Variants in CAMK1D observed in about 807,000 individuals in gnomAD.
CAMK1D encodes the protein calcium/calmodulin-dependent protein kinase type 1D.
Under a neutral mutation model 47.7 loss-of-function variants are expected in CAMK1D, and 9 were observed. The ratio of observed to expected loss-of-function variants is 0.19; its 90% CI spans 0.11 to 0.33. CAMK1D has a LOEUF of 0.33. CAMK1D is among the 10% of genes least tolerant of loss of function. The pLI is 1.00. For missense variants in CAMK1D, 291 were observed against 488.7 expected, an observed-to-expected ratio of 0.60 and a Z score of 3.81; for synonymous variants, 184 against 184.9, an observed-to-expected ratio of 0.99 and a Z score of 0.04.
intron 1 of CAMK1D, among the ~76,000 whole-genome samples, chr10:12,485,364 G>A (rs961860212): frequency 5.9e-5 from 9 of 152,200 alleles, no homozygotes; most frequent in African/African-American, 2.2e-4. Context: ...TTCTGGTTGT[G>A]GAGCTCCTCG....
intron 2 of CAMK1D, among the ~76,000 whole-genome samples, chr10:12,619,084 G>A (rs1564448900): frequency 6.6e-6 from 1 of 152,210 alleles, no homozygotes; most frequent in Non-Finnish European, 1.5e-5. Context: ...TGTAGCAGGA[G>A]CTCAATAAAT....
intron 3 of CAMK1D, among the ~76,000 whole-genome samples, chr10:12,694,512 TA>T (rs1833167521): frequency 7.7e-6 from 1 of 129,966 alleles, no homozygotes; most frequent in African/African-American, 2.9e-5. Flanking sequence ...ATATATTATA[TA>T]AAATATATAT....
intron 3 of CAMK1D, among the ~76,000 whole-genome samples, chr10:12,746,138 C>T (rs1004092002): frequency 3.4e-5 from 5 of 148,230 alleles, no homozygotes; most frequent in East Asian, 3.9e-4. Context: ...ACGAGGCGGA[C>T]GGATCCGCAT....
chr10:12,612,487 T>C (rs1838660857), intron 2 of CAMK1D, among the ~76,000 whole-genome samples: 1 of 152,022 alleles, frequency 6.6e-6, no homozygotes, highest in Non-Finnish European at 1.5e-5. Flanking sequence ...GATTAAGGCA[T>C]GAACCACCAT....
chr10:12,605,008 C>T (rs1352292073), intron 2 of CAMK1D, among the ~76,000 whole-genome samples: 1 of 152,074 alleles, frequency 6.6e-6, no homozygotes, highest in Non-Finnish European at 1.5e-5. Context: ...CTGCATCAGC[C>T]TCCTGAGTAG....
At chr10:12,820,045 C>T (rs940938007) in intron 8 of CAMK1D, among the ~76,000 whole-genome samples, 1 of 152,152 alleles carries the variant, frequency 6.6e-6, no homozygotes, top group Non-Finnish European at 1.5e-5. Flanking sequence ...GCCTGGGCCA[C>T]GCTGCACCGG....
chr10:12,621,022 C>G (rs1838981129), intron 2 of CAMK1D, among the ~76,000 whole-genome samples: 2 of 152,168 alleles, frequency 1.3e-5, no homozygotes, highest in Admixed American at 6.5e-5. Flanking sequence ...CCCAGTTGTT[C>G]CAGCACCATG....
intron 1 of CAMK1D, among the ~76,000 whole-genome samples, chr10:12,448,864 G>A (rs1384496446): frequency 1.3e-5 from 2 of 152,140 alleles, no homozygotes; most frequent in African/African-American, 4.8e-5. Flanking sequence ...CATCCAAAAC[G>A]CTGACTGTCG....
chr10:12,421,511 CTTTTTTTTTTTTT>C (rs71384322), intron 1 of CAMK1D, among the ~76,000 whole-genome samples: 189 of 50,766 alleles, frequency 3.7e-3, no homozygotes, highest in Admixed American at 6.9e-3. Context: ...ATCCAGGATT[CTTTTTTTTTTTTT>C]TTTTTTTTTT....
chr10:12,589,280 C>T (rs967158118), intron 2 of CAMK1D, among the ~76,000 whole-genome samples: 1 of 152,182 alleles, frequency 6.6e-6, no homozygotes, highest in Non-Finnish European at 1.5e-5. Context: ...TCCCAAAGTG[C>T]TGGGATTACA....
rs1588681026 is a variant in CAMK1D, at chr10:12,604,266, A to G, written c.224+50910A>G. Among the ~76,000 whole-genome samples the G allele has an allele frequency of 2.0e-5, 3 of 152,314 alleles. 1 individual carries two copies. In the East Asian group the frequency reaches 5.8e-4, roughly 29 times the overall value. Reference sequence around the variant, plus strand: ...TGAACGAATGTCATAGAACACAGGCAATGCAGGGAGATGGGGGTTGCGCAA... The same window carrying G: ...TGAACGAATGTCATAGAACACAGGCGATGCAGGGAGATGGGGGTTGCGCAA... On this transcript the variant is annotated intron_variant, in intron 2 of 10. Coordinates refer to ENST00000619168, the MANE Select transcript of CAMK1D (RefSeq NM_153498.4).
At chr10:12,395,077 T>A (rs1016419281) in intron 1 of CAMK1D, among the ~76,000 whole-genome samples, 1 of 145,342 alleles carries the variant, frequency 6.9e-6, no homozygotes, top group African/African-American at 2.5e-5. Context: ...TTTTTTTTTT[T>A]TTTTTTTTTG....
At chr10:12,772,170 G>A (rs1294354934) in intron 5 of CAMK1D, among the ~76,000 whole-genome samples, 1 of 152,198 alleles carries the variant, frequency 6.6e-6, no homozygotes, top group Non-Finnish European at 1.5e-5. Flanking sequence ...CTGGGGTGGT[G>A]ACGGGAGGAA....
intron 8 of CAMK1D, among the ~76,000 whole-genome samples, chr10:12,821,367 G>A (rs1644426): frequency 0.65 from 99,623 of 152,110 alleles, 33,550 homozygotes; most frequent in East Asian, 0.82. Flanking sequence ...ACATTCCTGA[G>A]TGTTCGCCGA....
chr10:12,351,515 C>G (rs1164116932), intron 1 of CAMK1D, among the ~76,000 whole-genome samples: 4 of 152,150 alleles, frequency 2.6e-5, no homozygotes, highest in Admixed American at 2.6e-4. Context: ...AGCATGGGGA[C>G]CCACCCTGTG....
chr10:12,721,134 G>A (rs752683883), intron 3 of CAMK1D, among the ~76,000 whole-genome samples: 12 of 152,188 alleles, frequency 7.9e-5, no homozygotes, highest in Non-Finnish European at 1.6e-4. Context: ...AGATCTTCAC[G>A]GTCAAGGGGC....
At chr10:12,430,165 C>G (rs995500085) in intron 1 of CAMK1D, among the ~76,000 whole-genome samples, 15 of 152,130 alleles carry the variant, frequency 9.9e-5, no homozygotes, top group African/African-American at 2.9e-4. Context: ...CTAGAAAACC[C>G]CTGTTCCAAT....
chr10:12,806,024 A>G (rs934508789), intron 6 of CAMK1D, among the ~76,000 whole-genome samples: 3 of 152,196 alleles, frequency 2.0e-5, no homozygotes, highest in Non-Finnish European at 2.9e-5. Flanking sequence ...GGATCAAGAA[A>G]GACATCACTG....
At chr10:12,384,031 C>T (rs1275082096) in intron 1 of CAMK1D, among the ~76,000 whole-genome samples, 1 of 151,776 alleles carries the variant, frequency 6.6e-6, no homozygotes, top group Non-Finnish European at 1.5e-5. Flanking sequence ...GATCAGTATA[C>T]AAAAATGAAT....
Sources: allele counts gnomAD v4.1 joint callset (sites outside exome capture counted in the v4.1 genomes callset), GRCh38; gene constraint gnomAD v4.1.1; transcripts MANE v1.5; gene names NCBI Gene and HGNC (gene_info 2026-07-23, HGNC 2026-07-21).